Variants in ZNF207 observed in about 807,000 individuals in gnomAD.
ZNF207 encodes zinc finger protein 207, also known as BUB3-interacting and GLEBS motif-containing protein ZNF207.
Under a neutral mutation model 60.2 loss-of-function variants are expected in ZNF207, and 24 were observed. That is an observed-to-expected ratio of 0.40 (90% CI 0.29 to 0.56). The LOEUF is 0.56. Ranked by LOEUF, ZNF207 falls within the 20% of genes least tolerant of loss-of-function variation. The pLI is 0.49. For missense variants in ZNF207, 452 were observed against 636.6 expected, an observed-to-expected ratio of 0.71 and a Z score of 3.12; for synonymous variants, 236 against 194.7, an observed-to-expected ratio of 1.21 and a Z score of -1.77.
intron 2 of ZNF207, among the ~76,000 whole-genome samples, chr17:32,352,703 CTTTTGT>C (rs2041529653): frequency 1.3e-5 from 2 of 152,224 alleles, no homozygotes; most frequent in African/African-American, 2.4e-5. Context: ...GTACTTTTTG[CTTTTGT>C]TTTTAAGAGA....
intron 7 of ZNF207, among the ~76,000 whole-genome samples, chr17:32,363,529 C>CTTTGTTTTTT (rs1905000995): frequency 1.4e-5 from 1 of 69,568 alleles, no homozygotes; most frequent in Non-Finnish European, 2.8e-5. Flanking sequence ...ATCCAACAAA[C>CTTTGTTTTTT]TTTTTTTTTT....
rs1456870474 is a variant in ZNF207 at position 32,380,474 on chromosome 17, T to A, written c.*10715T>A. ...AAATAAGTGGCTGTTAAAGAAAATA[T>A]CTTCAAGAAGGATTATTTCAGTGTC... On this transcript the variant is annotated 3_prime_UTR_variant, in exon 12 of 12. Coordinates refer to ENST00000394670, the MANE Select transcript of ZNF207 (RefSeq NM_001098507.2). 1.3e-5 allele frequency: 2 copies of A among 152,324 alleles called. No individual in the cohort carries two copies. The highest frequency in any genetic ancestry group is 6.5e-5 in the Admixed American group (1 of 15,302). The allele number at this position is 152,324 out of a possible 1,614,324, so 9.4% of individuals were successfully genotyped here. A position where few individuals can be genotyped will look rare whatever the true frequency, so the allele number is the denominator to read the frequency against.
rs370280275 is a variant in ZNF207, at chr17:32,369,358, A to G, written c.1228A>G (p.Ile410Val). Residue 410 changes from isoleucine (I) to valine (V), a missense_variant, in exon 11 of 12, where the codon ATC becomes GTC. Transcript: ENST00000394670. ...RNLPRPGQAP[I>V]GNPPVGPIGG... ...TCTTCCTCGGCCAGGACAGGCCCCC[A>G]TCGGTAATCCACCAGTTGGACCAAT... is the stretch of plus-strand genomic sequence containing the variant. 30 of 1,613,966 alleles carry G rather than the reference A, an allele frequency of 1.9e-5. No individual in the cohort carries two copies. The highest frequency in any genetic ancestry group is 1.6e-4 in the Middle Eastern group (1 of 6,084).
rs2150805986 is a variant in ZNF207 at position 32,372,702 on chromosome 17, A to G, written c.*2943A>G. 6.6e-6 allele frequency: 1 copy of G among 152,312 alleles called. No homozygotes were observed. Among genetic ancestry groups the G allele is most frequent in the Non-Finnish European group, 1.5e-5 (1 of 68,022 alleles). The allele number at this position is 152,312 out of a possible 1,614,324, so 9.4% of individuals were successfully genotyped here. ...CCAAACGTAATTAAGCTTCTAGAAA[A>G]TACCTTTTTTCTAAATGCTTCTGGG... On this transcript the variant is annotated 3_prime_UTR_variant, in exon 12 of 12. Coordinates refer to ENST00000394670, the MANE Select transcript of ZNF207 (RefSeq NM_001098507.2).
intron 9 of ZNF207, among the ~76,000 whole-genome samples, chr17:32,367,279 ATAT>A (rs1567825110): frequency 0.037 from 4,285 of 114,558 alleles, 260 homozygotes; most frequent in African/African-American, 0.089. Context: ...ATATATATAT[ATAT>A]ATAAAGAATA....
chr17:32,374,774 GA>G lies in ZNF207; in HGVS notation c.*5018del, dbSNP rs1905619492. 6.6e-6 allele frequency: 1 copy of G among 152,132 alleles called. No homozygotes were observed. Among genetic ancestry groups the G allele is most frequent in the Non-Finnish European group, 1.5e-5 (1 of 68,024 alleles). 9.4% of individuals were successfully genotyped at this position (152,132 alleles called of 1,614,324 possible). A position where few individuals can be genotyped will look rare whatever the true frequency, so the allele number is the denominator to read the frequency against. On this transcript the variant is annotated 3_prime_UTR_variant, in exon 12 of 12. Transcript: ENST00000394670. ...GATGGATTACTAATTTTCAGGTATC[GA>G]AACTGAAATTTGATACCTGATCCTG...
At chr17:32,353,565 T>C (rs1004322670) in intron 2 of ZNF207, among the ~76,000 whole-genome samples, 2 of 151,830 alleles carry the variant, frequency 1.3e-5, no homozygotes, top group Non-Finnish European at 2.9e-5. Context: ...GTGGATCACC[T>C]GAGGTCAGGG....
At chr17:32,363,849 C>A (rs996239389) in intron 7 of ZNF207, among the ~76,000 whole-genome samples, 1 of 151,718 alleles carries the variant, frequency 6.6e-6, no homozygotes, top group Non-Finnish European at 1.5e-5. Flanking sequence ...CTGTATTAAA[C>A]GGTGTAGGCA....
intron 2 of ZNF207, among the ~76,000 whole-genome samples, chr17:32,357,904 C>G (rs938536173): frequency 6.6e-6 from 1 of 151,754 alleles, no homozygotes; most frequent in African/African-American, 2.4e-5. Context: ...CTCAGCCTCC[C>G]CAGTAGCTGG....
At chr17:32,358,864 G>A (rs987118085) in intron 3 of ZNF207, among the ~76,000 whole-genome samples, 4 of 151,860 alleles carry the variant, frequency 2.6e-5, no homozygotes, top group South Asian at 2.1e-4. Flanking sequence ...GCATGATCTC[G>A]GCTCATTGCA....
rs538091713 is a variant in ZNF207 at position 32,355,461 on chromosome 17, A to C, written c.169-3042A>C. Among the ~76,000 whole-genome samples, 47 of 152,336 alleles carry C rather than the reference A, an allele frequency of 3.1e-4. No individual in the cohort carries two copies. The South Asian group carries it at 9.1e-3, about 30-fold the overall frequency. On this transcript the variant is annotated intron_variant, in intron 2 of 11. Coordinates refer to ENST00000394670, the MANE Select transcript of ZNF207 (RefSeq NM_001098507.2). Reference sequence around the variant, plus strand: ...GATAATAGGCTTAAGAATGAGAATAAGGGAGTCCTGTGTTAATTTTGAGTG... The same window carrying C: ...GATAATAGGCTTAAGAATGAGAATACGGGAGTCCTGTGTTAATTTTGAGTG...
In ZNF207 at chr17:32,360,608, AAAG is replaced by A. The variant is rs1469962937; in HGVS notation, c.322_324del (p.Lys108del). ...TTTTTTTTTTAACAGAAAGTCAAAA[AAAG>A]AAGCAACAAGATGATTCTGATGAAT... On this transcript the variant is annotated inframe_deletion, in exon 4 of 12. Coordinates refer to ENST00000394670, the MANE Select transcript of ZNF207 (RefSeq NM_001098507.2). 7 of 1,591,254 alleles carry A rather than the reference AAAG, an allele frequency of 4.4e-6. No individual in the cohort carries two copies. The highest frequency in any genetic ancestry group is 1.4e-5 in the African/African-American group (1 of 73,312).
Position 32,375,552 on chromosome 17 carries a change from T to G in ZNF207, c.*5793T>G, listed in dbSNP as rs1905648765. 1 of 152,096 alleles carries G rather than the reference T, an allele frequency of 6.6e-6. No homozygotes were observed. The highest frequency in any genetic ancestry group is 2.4e-5 in the African/African-American group (1 of 41,426). 9.4% of individuals were successfully genotyped at this position (152,096 alleles called of 1,614,324 possible). A position where few individuals can be genotyped will look rare whatever the true frequency, so the allele number is the denominator to read the frequency against. On this transcript the variant is annotated 3_prime_UTR_variant, in exon 12 of 12. Coordinates refer to ENST00000394670, the MANE Select transcript of ZNF207 (RefSeq NM_001098507.2). ...TCTGTGACTCAGACAAATAAGATTTTGAGAATTATGTAGTTTTTAGGTGTC... is the reference window on the plus strand; with the variant it reads ...TCTGTGACTCAGACAAATAAGATTTGGAGAATTATGTAGTTTTTAGGTGTC...
chr17:32,369,212 T>G, intron 10 of ZNF207, 83 bp from the exon 11 acceptor site: 1 of 1,496,270 alleles, frequency 6.7e-7, no homozygotes, highest in Non-Finnish European at 9.1e-7. Flanking sequence ...ACTCTTAACG[T>G]TGTAAGATTT....
At chr17:32,361,197 A>C in intron 5 of ZNF207, 1 of 590,324 alleles carries the variant, frequency 1.7e-6, no homozygotes. Context: ...ATCTACTTCA[A>C]TTGCATTTAC....
intron 6 of ZNF207, among the ~76,000 whole-genome samples, chr17:32,361,773 TA>T (rs536267941): frequency 6.6e-5 from 10 of 152,328 alleles, no homozygotes; most frequent in Admixed American, 6.5e-4. Flanking sequence ...GACCTGTTAA[TA>T]AGGGTTAGTA....
chr17:32,357,811 T>C (rs557031403), intron 2 of ZNF207, among the ~76,000 whole-genome samples: 2 of 152,136 alleles, frequency 1.3e-5, no homozygotes, highest in African/African-American at 2.4e-5. Context: ...AATTTTTTTT[T>C]TGTTTTTTTT....
chr17:32,369,015 G>A, intron 10 of ZNF207: 1 of 293,170 alleles, frequency 3.4e-6, no homozygotes. Context: ...AAAAAAAAAA[G>A]AATGTTAATA....
rs907314606 is a variant in ZNF207 at position 32,369,019 on chromosome 17, G to A, written c.1165-276G>A. ...ACCCCGTCTCAAAAAAAAAAAGAATGTTAATAACAATACTTCATTAGATAG... is the reference window on the plus strand; with the variant it reads ...ACCCCGTCTCAAAAAAAAAAAGAATATTAATAACAATACTTCATTAGATAG... On this transcript the variant is annotated intron_variant, in intron 10 of 11. Coordinates refer to ENST00000394670, the MANE Select transcript of ZNF207 (RefSeq NM_001098507.2). 2.8e-5 allele frequency: 9 copies of A among 321,704 alleles called. 1 individual carries two copies. In the Admixed American group the frequency reaches 3.6e-4, roughly 13 times the overall value. The allele number at this position is 321,704 out of a possible 1,614,324, so 19.9% of individuals were successfully genotyped here.
Sources: allele counts gnomAD v4.1 joint callset (sites outside exome capture counted in the v4.1 genomes callset), GRCh38; gene constraint gnomAD v4.1.1; transcripts MANE v1.5; gene names NCBI Gene and HGNC (gene_info 2026-07-23, HGNC 2026-07-21).